Variants in SMARCA2 observed in about 807,000 individuals in gnomAD.
SMARCA2 encodes the protein SWI/SNF related BAF chromatin remodeling complex subunit ATPase 2, also known as SWI/SNF-related matrix-associated actin-dependent regulator of chromatin subfamily A member 2.
A neutral mutation model predicts 199.8 loss-of-function variants in SMARCA2; 61 were observed. The ratio of observed to expected loss-of-function variants is 0.31; its 90% CI spans 0.25 to 0.38. SMARCA2 has a LOEUF of 0.38. Ranked by LOEUF, SMARCA2 falls within the 10% of genes least tolerant of loss-of-function variation. The pLI, the probability that SMARCA2 is intolerant of heterozygous loss-of-function variation, is 1.00. For synonymous variants in SMARCA2, 935 were observed against 732.0 expected (o/e 1.28, Z -4.48); for missense variants, 1,344 against 2,012.2 (o/e 0.67, Z 6.35).
At chr9:2,076,606 T>G (rs1821334779) in intron 13 of SMARCA2, among the ~76,000 whole-genome samples, 1 of 151,712 alleles carries the variant, frequency 6.6e-6, no homozygotes, top group African/African-American at 2.4e-5. Context: ...CAGCTCAGGC[T>G]CACTCCTGAG....
At chr9:2,074,665 G>A (rs1464470753) in intron 12 of SMARCA2, among the ~76,000 whole-genome samples, 1 of 152,132 alleles carries the variant, frequency 6.6e-6, no homozygotes, top group African/African-American at 2.4e-5. Flanking sequence ...CCAGGAGTTC[G>A]AGACCAGCCT....
chr9:2,153,324 C>G (rs1367937961), intron 27 of SMARCA2, among the ~76,000 whole-genome samples: 1 of 152,132 alleles, frequency 6.6e-6, no homozygotes, highest in East Asian at 1.9e-4. Flanking sequence ...ATCGCTTGCG[C>G]CCAGGAGTTC....
rs149526189 is a variant in SMARCA2 at position 2,048,426 on chromosome 9, T to C, written c.1046+942T>C. Among the ~76,000 whole-genome samples the C allele has an allele frequency of 7.3e-3, 1,114 of 152,350 alleles. 8 individuals carry two copies. Among genetic ancestry groups the C allele is most frequent in the Non-Finnish European group, 0.012 (821 of 68,028 alleles). The stretch of plus-strand genomic sequence containing the variant: ...TCATAGTGTTGGGAAGATAAAATGA[T>C]ACTGAAACATTCAATAAATAATACC... On this transcript the variant is annotated intron_variant, in intron 5 of 33. Coordinates refer to ENST00000349721, the MANE Select transcript of SMARCA2 (RefSeq NM_003070.5).
At chr9:2,102,965 T>TG (rs199915877) in intron 22 of SMARCA2, among the ~76,000 whole-genome samples, 1 of 151,640 alleles carries the variant, frequency 6.6e-6, no homozygotes, top group African/African-American at 2.4e-5. Flanking sequence ...CTCCCTGTTT[T>TG]TTTTTTTTTT....
chr9:2,135,819 A>G (rs551316998), intron 27 of SMARCA2, among the ~76,000 whole-genome samples: 2 of 152,180 alleles, frequency 1.3e-5, no homozygotes, highest in Non-Finnish European at 2.9e-5. Context: ...CTGGGATTAC[A>G]GGTGTGAGCC....
chr9:2,082,438 A>G (rs1178219710), intron 15 of SMARCA2, among the ~76,000 whole-genome samples: 1 of 152,210 alleles, frequency 6.6e-6, no homozygotes, highest in African/African-American at 2.4e-5. Flanking sequence ...AATCAAAATC[A>G]TAACTAGGAG....
At chr9:2,079,756 T>G (rs564426987) in intron 14 of SMARCA2, 1 of 152,360 alleles carries the variant, frequency 6.6e-6, no homozygotes, top group Admixed American at 6.5e-5. Context: ...AGATGTTAAC[T>G]CATAGCATGC....
chr9:2,168,338 G>A (rs570369081), intron 28 of SMARCA2, among the ~76,000 whole-genome samples: 2 of 152,152 alleles, frequency 1.3e-5, no homozygotes, highest in Admixed American at 1.3e-4. Flanking sequence ...TTACATTATA[G>A]CAGCTTTCCA....
intron 4 of SMARCA2, among the ~76,000 whole-genome samples, chr9:2,046,932 C>T (rs146904753): frequency 6.6e-6 from 1 of 152,254 alleles, no homozygotes; most frequent in African/African-American, 2.4e-5. Context: ...TCATTTGCAC[C>T]CGTGTTCGTT....
intron 9 of SMARCA2, among the ~76,000 whole-genome samples, chr9:2,068,048 T>A (rs1165192399): frequency 6.6e-6 from 1 of 152,232 alleles, no homozygotes; most frequent in East Asian, 1.9e-4. Flanking sequence ...AATTTGTAGC[T>A]TATTTCTGAT....
rs1361512930 is a variant in SMARCA2, at chr9:2,016,812, T to A, written c.-37+1408T>A. On this transcript the variant is annotated intron_variant, in intron 1 of 33. Coordinates refer to ENST00000349721, the MANE Select transcript of SMARCA2 (RefSeq NM_003070.5). This position sits in a 1 kb window ranked among gnomAD's most constrained non-coding sequence, Gnocchi z 5.6. ...CAACCTGGTTTACCCCTTCCTTTGCTCTCCCCCTCCACCCGGCCGTCTTCC... is the reference window on the plus strand; with the variant it reads ...CAACCTGGTTTACCCCTTCCTTTGCACTCCCCCTCCACCCGGCCGTCTTCC... Among the ~76,000 whole-genome samples the A allele has an allele frequency of 6.6e-6, 1 of 152,082 alleles. No homozygotes were observed. Among genetic ancestry groups the A allele is most frequent in the Non-Finnish European group, 1.5e-5 (1 of 67,988 alleles).
At chr9:2,090,191 TG>T (rs1251708406) in intron 19 of SMARCA2, among the ~76,000 whole-genome samples, 15 of 152,216 alleles carry the variant, frequency 9.9e-5, no homozygotes, top group Non-Finnish European at 1.9e-4. Context: ...GAGAAGTTCC[TG>T]AGTATACTTG....
At chr9:2,091,179 G>A (rs1364191542) in intron 19 of SMARCA2, among the ~76,000 whole-genome samples, 3 of 152,036 alleles carry the variant, frequency 2.0e-5, no homozygotes, top group African/African-American at 4.8e-5. Flanking sequence ...TGTTAACCAT[G>A]CCCACAACAA....
At chr9:2,088,388 T>C (rs1821897661) in intron 18 of SMARCA2, 112 bp from the exon 19 acceptor site, 1 of 1,255,356 alleles carries the variant, frequency 8.0e-7, no homozygotes, top group Non-Finnish European at 1.1e-6. Flanking sequence ...TTGGCTTTAA[T>C]GCATGTAAAA....
At chr9:2,032,061 G>C (rs942980210) in intron 2 of SMARCA2, among the ~76,000 whole-genome samples, 3 of 152,008 alleles carry the variant, frequency 2.0e-5, no homozygotes, top group Non-Finnish European at 2.9e-5. Context: ...CTTTTCAAGT[G>C]CATACTTTTG....
intron 24 of SMARCA2, among the ~76,000 whole-genome samples, chr9:2,111,019 C>T (rs1341881238): frequency 2.7e-5 from 4 of 149,856 alleles, no homozygotes; most frequent in African/African-American, 9.9e-5. Flanking sequence ...TCAGGGCTAT[C>T]CTTTTAAAGC....
intron 27 of SMARCA2, among the ~76,000 whole-genome samples, chr9:2,143,222 A>T (rs555798849): frequency 3.9e-5 from 6 of 152,294 alleles, no homozygotes; most frequent in Admixed American, 2.6e-4. Context: ...CAAGGGAAGT[A>T]TACGAAGGCT....
chr9:2,053,221 C>T (rs927951735), intron 5 of SMARCA2, among the ~76,000 whole-genome samples: 1 of 152,050 alleles, frequency 6.6e-6, no homozygotes, highest in Admixed American at 6.5e-5. Flanking sequence ...TGAGAACATG[C>T]GGTATTTGGT....
chr9:2,046,834 G>A (rs1343079679), intron 4 of SMARCA2, among the ~76,000 whole-genome samples: 2 of 152,092 alleles, frequency 1.3e-5, no homozygotes, highest in East Asian at 3.9e-4. Flanking sequence ...ATTAAAAAAA[G>A]AAAAAGAAAG....
Sources: allele counts gnomAD v4.1 joint callset (sites outside exome capture counted in the v4.1 genomes callset), GRCh38; gene constraint gnomAD v4.1.1; non-coding constraint Gnocchi (gnomAD v3.1); transcripts MANE v1.5; gene names NCBI Gene and HGNC (gene_info 2026-07-23, HGNC 2026-07-21).